SLC44A5: variants seen among roughly 807,000 people sequenced by gnomAD.
SLC44A5 encodes choline transporter-like protein 5.
In SLC44A5, 57 loss-of-function variants were observed where a neutral mutation model predicts 101.8. That is an observed-to-expected ratio of 0.56 (90% confidence interval 0.45 to 0.70). The LOEUF is 0.70. Ranked by LOEUF, SLC44A5 falls within the 30% of genes least tolerant of loss-of-function variation. The pLI is 0.00. For synonymous variants in SLC44A5, 281 were observed against 290.9 expected, an observed-to-expected ratio of 0.97 and a Z score of 0.35; for missense variants, 737 against 853.1, an observed-to-expected ratio of 0.86 and a Z score of 1.70.
At chr1:75,324,454 G>A (rs957763397) in intron 4 of SLC44A5, among the ~76,000 whole-genome samples, 1 of 152,164 alleles carries the variant, frequency 6.6e-6, no homozygotes, top group African/African-American at 2.4e-5. Flanking sequence ...TGAAAATATA[G>A]CACTATGGTC....
chr1:75,516,810 G>T (rs1006190819), intron 2 of SLC44A5, among the ~76,000 whole-genome samples: 1 of 151,994 alleles, frequency 6.6e-6, no homozygotes, highest in Non-Finnish European at 1.5e-5. Flanking sequence ...TTTAAATAAC[G>T]ATTTTTTGTC....
chr1:75,340,696 G>T (rs369345997), intron 3 of SLC44A5, among the ~76,000 whole-genome samples: 2 of 152,160 alleles, frequency 1.3e-5, no homozygotes, highest in Admixed American at 6.5e-5. Flanking sequence ...TTCTGGCCAT[G>T]GCCAACTGGA....
Position 75,280,443 on chromosome 1 carries a change from G to GTATATATTATATATAC in SLC44A5, c.176-5402_176-5401insGTATATATAATATATA, listed in dbSNP as rs1652421226. 1.4e-4 allele frequency among the ~76,000 whole-genome samples: 13 copies of GTATATATTATATATAC among 90,956 alleles called. 1 individual carries two copies. The highest frequency in any genetic ancestry group is 7.4e-4 in the African/African-American group (13 of 17,658). 59.7% of individuals were successfully genotyped at this position (90,956 alleles called of 152,430 possible). On this transcript the variant is annotated intron_variant, in intron 5 of 23. Coordinates refer to ENST00000370859, the MANE Select transcript of SLC44A5 (RefSeq NM_001130058.2). The stretch of plus-strand genomic sequence containing the variant: ...ATATATATTGTATATATTATATATA[G>GTATATATTATATATAC]TATATATTATATATAGTATATATAA...
intron 2 of SLC44A5, among the ~76,000 whole-genome samples, chr1:75,524,239 G>A (rs550441678): frequency 6.6e-6 from 1 of 152,234 alleles, no homozygotes; most frequent in East Asian, 1.9e-4. Flanking sequence ...GTGAAGATGT[G>A]CTTGCTTCCC....
intron 12 of SLC44A5, 124 bp downstream of exon 12, chr1:75,233,862 C>T: frequency 1.4e-6 from 1 of 720,314 alleles, no homozygotes; most frequent in Non-Finnish European, 2.3e-6. Context: ...AAGTTTAAAG[C>T]TTTTTTGAGG....
intron 5 of SLC44A5, among the ~76,000 whole-genome samples, chr1:75,280,821 C>T (rs1236695177): frequency 2.0e-5 from 3 of 151,952 alleles, no homozygotes; most frequent in African/African-American, 7.3e-5. Context: ...CTCCTTCTGC[C>T]ATGATTGTAA....
intron 2 of SLC44A5, among the ~76,000 whole-genome samples, chr1:75,495,557 A>G (rs923454080): frequency 1.3e-5 from 2 of 152,048 alleles, no homozygotes; most frequent in African/African-American, 2.4e-5. Flanking sequence ...CAGAAAACAG[A>G]AAAGTACCAG....
intron 2 of SLC44A5, among the ~76,000 whole-genome samples, chr1:75,461,337 GATA>G (rs1207773814): frequency 6.6e-6 from 1 of 152,120 alleles, no homozygotes; most frequent in African/African-American, 2.4e-5. Context: ...CTCCCTGTAA[GATA>G]ATATTATTTA....
intron 2 of SLC44A5, among the ~76,000 whole-genome samples, chr1:75,401,588 A>G (rs1253841271): frequency 6.6e-6 from 1 of 152,160 alleles, no homozygotes; most frequent in Admixed American, 6.5e-5. Flanking sequence ...CAAGGCCAAC[A>G]TGTAGCTGGA....
chr1:75,357,285 C>G, intron 3 of SLC44A5: 1 of 452,878 alleles, frequency 2.2e-6, no homozygotes. Context: ...AACTTGGAGG[C>G]TCAGGCAGCC....
chr1:75,712,414 C>T, the SLC44A5 span, among the ~76,000 whole-genome samples: 2 of 152,054 alleles, frequency 1.3e-5, no homozygotes, highest in Non-Finnish European at 2.9e-5. Context: ...AGAGAGAAAA[C>T]CTCAGTAAGT....
At chr1:75,525,667 G>A (rs1466750516) in intron 2 of SLC44A5, among the ~76,000 whole-genome samples, 1 of 152,088 alleles carries the variant, frequency 6.6e-6, no homozygotes, top group East Asian at 1.9e-4. Context: ...GATAATTGGG[G>A]AAATTTGAAT....
intron 2 of SLC44A5, among the ~76,000 whole-genome samples, chr1:75,497,619 A>T (rs1282301119): frequency 2.6e-5 from 4 of 152,194 alleles, no homozygotes; most frequent in South Asian, 4.1e-4. Context: ...TTCCTAAGAG[A>T]TTAGATCTTA....
chr1:75,598,519 C>A (rs932496740), intron 1 of SLC44A5, among the ~76,000 whole-genome samples: 1 of 152,176 alleles, frequency 6.6e-6, no homozygotes, highest in Non-Finnish European at 1.5e-5. Context: ...GACATGGAAT[C>A]AACCTAAATT....
At chr1:75,641,900 A>G in the SLC44A5 span, 1 of 1,598,582 alleles carries the variant, frequency 6.3e-7, no homozygotes, top group Non-Finnish European at 8.6e-7. Context: ...CCATTCAAGA[A>G]TTTCCTTCAT....
intron 3 of SLC44A5, among the ~76,000 whole-genome samples, chr1:75,359,111 A>G (rs1191788473): frequency 6.7e-6 from 1 of 149,052 alleles, no homozygotes; most frequent in Non-Finnish European, 1.5e-5. Flanking sequence ...GTGCCTAGGC[A>G]TATTTCACTT....
chr1:75,232,650 A>G (rs1332735317), intron 12 of SLC44A5, among the ~76,000 whole-genome samples: 1 of 152,156 alleles, frequency 6.6e-6, no homozygotes, highest in Non-Finnish European at 1.5e-5. Flanking sequence ...GAGGAGGGTA[A>G]TAACAATAAC....
intron 2 of SLC44A5, among the ~76,000 whole-genome samples, chr1:75,407,837 C>T (rs1662981883): frequency 6.6e-6 from 1 of 152,122 alleles, no homozygotes; most frequent in African/African-American, 2.4e-5. Context: ...AAAGCAATGC[C>T]AACAAAAGCC....
chr1:75,584,559 T>C (rs1377131505), intron 1 of SLC44A5, among the ~76,000 whole-genome samples: 1 of 152,076 alleles, frequency 6.6e-6, no homozygotes, highest in Non-Finnish European at 1.5e-5. Flanking sequence ...TGTGTTTGCT[T>C]TTGGGGGTTT....
Sources: allele counts gnomAD v4.1 joint callset (sites outside exome capture counted in the v4.1 genomes callset), GRCh38; gene constraint gnomAD v4.1.1; transcripts MANE v1.5; gene names NCBI Gene and HGNC (gene_info 2026-07-23, HGNC 2026-07-21).